DNAI3: variants seen among roughly 807,000 people sequenced by gnomAD.
DNAI3 encodes the protein dynein axonemal intermediate chain 3, also known as WD repeat domain 63.
In DNAI3, 83 loss-of-function variants were observed where a neutral mutation model predicts 115.5. That is an observed-to-expected ratio of 0.72 (90% CI 0.60 to 0.86). DNAI3 has a LOEUF of 0.86. Ranked by LOEUF, DNAI3 falls within the 40% of genes least tolerant of loss-of-function variation. DNAI3 has a pLI of 0.00. For synonymous variants in DNAI3, 320 were observed against 347.0 expected (o/e 0.92, Z 0.86); for missense variants, 1,004 against 1,075.8 (o/e 0.93, Z 0.93).
intron 1 of DNAI3, among the ~76,000 whole-genome samples, chr1:85,064,876 A>T (rs550705329): frequency 6.6e-6 from 1 of 152,234 alleles, no homozygotes; most frequent in Non-Finnish European, 1.5e-5. Context: ...CTACTAAAAA[A>T]TAAAAAATTA....
chr1:85,085,736 C>A, intron 6 of DNAI3, 95 bp from the exon 7 acceptor site: 2 of 1,012,944 alleles, frequency 2.0e-6, no homozygotes, highest in South Asian at 1.6e-5. Context: ...ACAGAAAGTG[C>A]ACAAAGGGCT....
At chr1:85,069,920 CT>C (rs1654215793) in intron 1 of DNAI3, among the ~76,000 whole-genome samples, 1 of 152,108 alleles carries the variant, frequency 6.6e-6, no homozygotes, top group South Asian at 2.1e-4. Flanking sequence ...TGCAGAATAT[CT>C]TAAAAATAGA....
At chr1:85,078,727 A>G (rs7522046) in intron 3 of DNAI3, among the ~76,000 whole-genome samples, 119,501 of 151,970 alleles carry the variant, frequency 0.79, 47,148 homozygotes, top group Non-Finnish European at 0.81. Flanking sequence ...GCAATGGAGC[A>G]TGATGGTACT....
rs780788467 is a variant in DNAI3, at chr1:85,121,808, C to T, written c.1975C>T (p.Leu659Phe). 1.2e-6 allele frequency: 2 copies of T among 1,614,102 alleles called. No individual in the cohort carries two copies. The highest frequency in any genetic ancestry group is 1.7e-5 in the Admixed American group (1 of 60,024). Residue 659 changes from leucine (L) to phenylalanine (F), a missense_variant, in exon 18 of 23, where the codon CTT becomes TTT. By Grantham distance (22) the Leu-to-Phe change is conservative. Transcript: ENST00000294664. ...KMEKDPETGR[L>F]MSKKPVSHHT... The stretch of plus-strand genomic sequence containing the variant: ...GGAAAAAGACCCTGAAACTGGCCGA[C>T]TTATGTGTAAGTTTTGTGATTGCCC...
chr1:85,082,218 G>T (rs1363000699), intron 4 of DNAI3, 82 bp from the exon 5 acceptor site: 4 of 1,126,570 alleles, frequency 3.6e-6, no homozygotes, highest in Non-Finnish European at 5.2e-6. Flanking sequence ...GTTGATTAGC[G>T]AAATGTGAAT....
At chr1:85,072,757 C>T (rs1355921126) in intron 2 of DNAI3, among the ~76,000 whole-genome samples, 1 of 151,506 alleles carries the variant, frequency 6.6e-6, no homozygotes, top group African/African-American at 2.4e-5. Context: ...AGATGGAGAC[C>T]ATCCTGGTTG....
At chr1:85,063,829 G>T (rs1268895840) in intron 1 of DNAI3, among the ~76,000 whole-genome samples, 1 of 152,162 alleles carries the variant, frequency 6.6e-6, no homozygotes, top group Non-Finnish European at 1.5e-5. Flanking sequence ...AGAGGATTCA[G>T]GGAGGAGAAT....
intron 1 of DNAI3, among the ~76,000 whole-genome samples, chr1:85,070,246 G>C (rs1654227839): frequency 6.6e-6 from 1 of 152,174 alleles, no homozygotes; most frequent in Non-Finnish European, 1.5e-5. Context: ...GGGCAACAGA[G>C]TGAAACTCTG....
chr1:85,130,708 GA>G (rs1557729967), intron 22 of DNAI3, among the ~76,000 whole-genome samples: 149 of 146,608 alleles, frequency 1.0e-3, no homozygotes, highest in African/African-American at 3.6e-3. Flanking sequence ...TAGATAGATA[GA>G]TAGATAGATA....
Position 85,108,021 on chromosome 1 carries a change from A to T in DNAI3, c.1554-12A>T. On this transcript the variant is annotated splice_polypyrimidine_tract_variant and intron_variant, in intron 14 of 22. Coordinates refer to ENST00000294664, the MANE Select transcript of DNAI3 (RefSeq NM_145172.5). ...TTGTACTTAATAAAAAATATATATA[A>T]ATTTTTTTTAGCACAATATGTTTTT... The T allele has an allele frequency of 7.1e-7, 1 of 1,409,808 alleles. No homozygotes were observed. Among genetic ancestry groups the T allele is most frequent in the Non-Finnish European group, 9.3e-7 (1 of 1,076,532 alleles). The allele number at this position is 1,409,808 out of a possible 1,614,324, so 87.3% of individuals were successfully genotyped here.
At chr1:85,120,333 G>A (rs893009830) in intron 17 of DNAI3, among the ~76,000 whole-genome samples, 3 of 152,204 alleles carry the variant, frequency 2.0e-5, no homozygotes, top group East Asian at 1.9e-4. Context: ...ACAGGCAGGC[G>A]GTGATTTCAG....
intron 8 of DNAI3, among the ~76,000 whole-genome samples, chr1:85,090,543 C>T (rs1326651815): frequency 6.6e-6 from 1 of 152,198 alleles, no homozygotes; most frequent in Non-Finnish European, 1.5e-5. Flanking sequence ...TTTTTCTCCA[C>T]TCCTCACTCC....
chr1:85,120,634 T>C (rs1655969909), intron 17 of DNAI3, among the ~76,000 whole-genome samples: 1 of 152,144 alleles, frequency 6.6e-6, no homozygotes, highest in Non-Finnish European at 1.5e-5. Flanking sequence ...AAGGGTCACA[T>C]CCATAAAACT....
intron 10 of DNAI3, 142 bp downstream of exon 10, chr1:85,094,697 C>T (rs769571375): frequency 1.2e-5 from 12 of 1,025,220 alleles, no homozygotes; most frequent in Non-Finnish European, 1.5e-5. Context: ...CAATGCAGAA[C>T]TTGTCATCAT....
At chr1:85,118,342 T>C (rs1250406135) in intron 17 of DNAI3, among the ~76,000 whole-genome samples, 1 of 152,240 alleles carries the variant, frequency 6.6e-6, no homozygotes, top group Non-Finnish European at 1.5e-5. Context: ...CTGGACATTT[T>C]CTATGTATCA....
At chr1:85,093,842 C>A in intron 9 of DNAI3, 194 bp downstream of exon 9, 1 of 703,310 alleles carries the variant, frequency 1.4e-6, no homozygotes, top group Non-Finnish European at 2.5e-6. Flanking sequence ...GGATACACAC[C>A]TGTCATTATC....
intron 8 of DNAI3, among the ~76,000 whole-genome samples, 176 bp from the exon 9 acceptor site, chr1:85,093,282 T>C (rs1388717797): frequency 6.6e-6 from 1 of 152,250 alleles, no homozygotes; most frequent in Non-Finnish European, 1.5e-5. Context: ...GCCACCATGA[T>C]GTTTTTTTCT....
chr1:85,084,695 G>A lies in DNAI3; in HGVS notation c.540G>A (p.Gln180=). The change falls in exon 6 of 23, where the codon CAG becomes CAA. Residue 180 remains glutamine, a splice_region_variant and synonymous_variant. Transcript: ENST00000294664. ...EEESVTESTK[Q]ITYMISRKRS... ...AATCAGTTACGGAATCTACAAAGCAGGTTAGAGGGTTATATATGATCTGTA... is the reference window on the plus strand; with the variant it reads ...AATCAGTTACGGAATCTACAAAGCAAGTTAGAGGGTTATATATGATCTGTA... The A allele has an allele frequency of 6.7e-7, 1 of 1,500,604 alleles. No homozygotes were observed. The highest frequency in any genetic ancestry group is 8.9e-7 in the Non-Finnish European group (1 of 1,123,948). 93.0% of individuals were successfully genotyped at this position (1,500,604 alleles called of 1,614,324 possible).
intron 4 of DNAI3, among the ~76,000 whole-genome samples, chr1:85,081,880 A>C (rs1654644251): frequency 6.6e-6 from 1 of 152,170 alleles, no homozygotes; most frequent in Admixed American, 6.5e-5. Context: ...AGCTCAAGTG[A>C]TCTTCCCGCC....
Sources: allele counts gnomAD v4.1 joint callset (sites outside exome capture counted in the v4.1 genomes callset), GRCh38; gene constraint gnomAD v4.1.1; transcripts MANE v1.5; gene names NCBI Gene and HGNC (gene_info 2026-07-23, HGNC 2026-07-21).